HMGCLL1: variants seen among roughly 807,000 people sequenced by gnomAD.
HMGCLL1 encodes 3-hydroxy-3-methylglutaryl-CoA lyase like 1, also known as 3-hydroxymethyl-3-methylglutaryl-CoA lyase, cytoplasmic.
In HMGCLL1, 36 loss-of-function variants were observed where a neutral mutation model predicts 39.1. That is an observed-to-expected ratio of 0.92 (90% CI 0.71 to 1.22). The LOEUF is 1.22. HMGCLL1 is among the 50% of genes most tolerant of loss of function. The probability of loss-of-function intolerance (pLI) is 0.00; values close to 1 mark genes in which losing one functional copy is unlikely to be tolerated. For synonymous variants in HMGCLL1, 149 were observed against 144.0 expected (o/e 1.03, Z -0.25); for missense variants, 451 against 416.5 (o/e 1.08, Z -0.72).
the HMGCLL1 span, among the ~76,000 whole-genome samples, chr6:55,655,791 T>C: frequency 1.4e-4 from 22 of 152,042 alleles, no homozygotes; most frequent in East Asian, 1.4e-3. Flanking sequence ...CTTTTAATTG[T>C]TATCTTAGAT....
chr6:55,587,644 G>A, the HMGCLL1 span, among the ~76,000 whole-genome samples: 1 of 152,038 alleles, frequency 6.6e-6, no homozygotes, highest in Non-Finnish European at 1.5e-5. Flanking sequence ...TCAGTGTGCT[G>A]TATTCAGGAA....
At chr6:55,573,570 G>T (rs139138620) in intron 1 of HMGCLL1, among the ~76,000 whole-genome samples, 1 of 151,564 alleles carries the variant, frequency 6.6e-6, no homozygotes, top group Non-Finnish European at 1.5e-5. Context: ...TAGATTAACA[G>T]CAAATTAAAC....
intron 7 of HMGCLL1, among the ~76,000 whole-genome samples, chr6:55,493,581 C>T (rs1766422369): frequency 6.6e-6 from 1 of 152,120 alleles, no homozygotes; most frequent in South Asian, 2.1e-4. Context: ...CTTTTAATTA[C>T]TAGGACATAA....
intron 4 of HMGCLL1, 74 bp downstream of exon 4, chr6:55,516,434 C>T (rs1300105848): frequency 8.3e-6 from 8 of 959,782 alleles, no homozygotes; most frequent in Non-Finnish European, 1.3e-5. Flanking sequence ...ACATATGACA[C>T]AATTTTAACT....
chr6:55,578,885 G>A, intron 1 of HMGCLL1, 63 bp downstream of exon 1: 1 of 1,218,818 alleles, frequency 8.2e-7, no homozygotes, highest in South Asian at 1.3e-5. Flanking sequence ...GAGGTTGCAG[G>A]GAGAGAGGCT....
intron 7 of HMGCLL1, among the ~76,000 whole-genome samples, chr6:55,474,451 T>C (rs944023448): frequency 6.6e-6 from 1 of 151,664 alleles, no homozygotes; most frequent in African/African-American, 2.4e-5. Context: ...ATTAGTTTTT[T>C]TTTCTAGCAT....
At chr6:55,460,802 T>A (rs1298471288) in intron 7 of HMGCLL1, among the ~76,000 whole-genome samples, 2 of 152,000 alleles carry the variant, frequency 1.3e-5, no homozygotes, top group Admixed American at 1.3e-4. Flanking sequence ...GTAGTCCAGT[T>A]ATGCAACTTT....
chr6:55,579,356 G>T (rs964340830), upstream of HMGCLL1: 10 of 483,422 alleles, frequency 2.1e-5, no homozygotes, highest in East Asian at 7.3e-5. Context: ...CTCATTTTCC[G>T]CACTACACTG....
At chr6:55,662,622 A>C in the HMGCLL1 span, among the ~76,000 whole-genome samples, 1 of 151,808 alleles carries the variant, frequency 6.6e-6, no homozygotes, top group African/African-American at 2.4e-5. Context: ...GATGTTCATC[A>C]AGGATATTGG....
chr6:55,562,515 C>T (rs1396292544), intron 1 of HMGCLL1, among the ~76,000 whole-genome samples: 1 of 152,050 alleles, frequency 6.6e-6, no homozygotes, highest in Non-Finnish European at 1.5e-5. Context: ...CACCAGTTGC[C>T]CTGCCCTGGA....
intron 7 of HMGCLL1, among the ~76,000 whole-genome samples, chr6:55,484,636 G>A (rs1455691279): frequency 6.6e-6 from 1 of 151,950 alleles, no homozygotes; most frequent in African/African-American, 2.4e-5. Flanking sequence ...TCACTCGAAT[G>A]TCTTTGTGAT....
chr6:55,665,371 C>A, the HMGCLL1 span, among the ~76,000 whole-genome samples: 1 of 151,560 alleles, frequency 6.6e-6, no homozygotes, highest in Non-Finnish European at 1.5e-5. Flanking sequence ...AATACACTCC[C>A]TTGTTGAGTC....
the HMGCLL1 span, among the ~76,000 whole-genome samples, chr6:55,611,602 AAGCTTATCCACCATGATATACTC>A: frequency 6.6e-6 from 1 of 152,180 alleles, no homozygotes; most frequent in Non-Finnish European, 1.5e-5. Flanking sequence ...GTACCTCAAA[AAGCTTATCCACCATGATATACTC>A]AGCTTAACTC....
chr6:55,500,078 T>C (rs1490054909), intron 5 of HMGCLL1, among the ~76,000 whole-genome samples: 1 of 152,036 alleles, frequency 6.6e-6, no homozygotes, highest in Non-Finnish European at 1.5e-5. Context: ...ATTGAAATAA[T>C]GCATAACGAG....
the HMGCLL1 span, among the ~76,000 whole-genome samples, chr6:55,595,352 T>C: frequency 6.6e-6 from 1 of 152,212 alleles, no homozygotes; most frequent in Admixed American, 6.5e-5. Context: ...TTTGTTCTCA[T>C]ATGTAAATAG....
At chr6:55,455,796 G>C (rs1159940242) in intron 7 of HMGCLL1, among the ~76,000 whole-genome samples, 1 of 152,132 alleles carries the variant, frequency 6.6e-6, no homozygotes, top group Admixed American at 6.5e-5. Context: ...ACAATCTAAA[G>C]GTTGCAGAAG....
At chr6:55,483,932 T>TA (rs576165904) in intron 7 of HMGCLL1, among the ~76,000 whole-genome samples, 117 of 152,322 alleles carry the variant, frequency 7.7e-4, no homozygotes, top group African/African-American at 2.7e-3. Context: ...TTAAGCACGT[T>TA]ATGTGTCATG....
intron 3 of HMGCLL1, among the ~76,000 whole-genome samples, chr6:55,529,786 T>C (rs1354081124): frequency 1.3e-5 from 2 of 152,166 alleles, no homozygotes; most frequent in African/African-American, 4.8e-5. Flanking sequence ...TTATTAGGTA[T>C]ATATTATGGT....
At chr6:55,516,295 A>G (rs9475334) in intron 4 of HMGCLL1, among the ~76,000 whole-genome samples, 1,994 of 152,274 alleles carry the variant, frequency 0.013, 34 homozygotes, top group African/African-American at 0.045. Context: ...TTGTGTTTTG[A>G]TTTTTGAACG....
Sources: allele counts gnomAD v4.1 joint callset (sites outside exome capture counted in the v4.1 genomes callset), GRCh38; gene constraint gnomAD v4.1.1; transcripts MANE v1.5; gene names NCBI Gene and HGNC (gene_info 2026-07-23, HGNC 2026-07-21).